The following CCDC57 variants were observed in gnomAD, a reference collection of about 807,000 sequenced individuals.
CCDC57 encodes coiled-coil domain containing 57, also known as coiled-coil domain-containing protein 57.
CCDC57 carries 118 observed loss-of-function variants against 118.9 expected under a neutral mutation model. That is an observed-to-expected ratio of 0.99 (90% confidence interval 0.86 to 1.16). The LOEUF is 1.16. CCDC57 is among the 50% of genes most tolerant of loss of function. CCDC57 has a pLI of 0.00. For missense variants in CCDC57, 1,300 were observed against 1,320.7 expected (o/e 0.98, Z 0.24); for synonymous variants, 527 against 532.9 (o/e 0.99, Z 0.15).
At chr17:82,120,296 T>C (rs1190875271) in intron 19 of CCDC57, among the ~76,000 whole-genome samples, 2 of 152,160 alleles carry the variant, frequency 1.3e-5, no homozygotes, top group East Asian at 1.9e-4. Flanking sequence ...GGCAACATTA[T>C]TACTTTAAAC....
chr17:82,148,125 AGATGGATGGATG>A (rs143199335), intron 16 of CCDC57, among the ~76,000 whole-genome samples: 35,908 of 75,490 alleles, frequency 0.48, 8,599 homozygotes, highest in East Asian at 0.87. Flanking sequence ...TTGGATGGTT[AGATGGATGGATG>A]GATGGATGGA....
intron 19 of CCDC57, among the ~76,000 whole-genome samples, chr17:82,120,390 C>T (rs557647356): frequency 5.9e-5 from 9 of 152,240 alleles, no homozygotes; most frequent in African/African-American, 1.4e-4. Flanking sequence ...ACTTCCTCTC[C>T]GTTTCTAGAA....
At chr17:82,193,862 A>C (rs746939303) in intron 6 of CCDC57, 32 bp from the exon 6 acceptor site, 1 of 1,572,460 alleles carries the variant, frequency 6.4e-7, no homozygotes, top group Non-Finnish European at 8.6e-7. Flanking sequence ...TGGAAGGAGC[A>C]AGTGAGATGA....
chr17:82,175,261 ATACCGAGTGCC>A (rs2045319690), intron 11 of CCDC57, among the ~76,000 whole-genome samples: 1 of 152,258 alleles, frequency 6.6e-6, no homozygotes, highest in African/African-American at 2.4e-5. Flanking sequence ...ACAGAGCGGG[ATACCGAGTGCC>A]CAGAGGCTTA....
intron 19 of CCDC57, among the ~76,000 whole-genome samples, chr17:82,117,729 C>A (rs2036103749): frequency 7.4e-6 from 1 of 134,758 alleles, no homozygotes; most frequent in South Asian, 2.3e-4. Flanking sequence ...TCAGTTTTGA[C>A]TTATCAGATT....
At chr17:82,148,376 GGTGGGTGAATGGATGA>G (rs1189524195) in intron 16 of CCDC57, among the ~76,000 whole-genome samples, 258 of 10,578 alleles carry the variant, frequency 0.024, 1 homozygote, top group Non-Finnish European at 0.027. Flanking sequence ...TGGATGGGTG[GGTGGGTGAATGGATGA>G]ATGGGTGGGT....
chr17:82,126,831 C>T, intron 19 of CCDC57: 1 of 985,378 alleles, frequency 1.0e-6, no homozygotes, highest in South Asian at 4.7e-5. Context: ...CTAAAATGCG[C>T]ATGAAGGAGA....
intron 19 of CCDC57, among the ~76,000 whole-genome samples, chr17:82,109,365 A>G (rs2035089711): frequency 6.6e-6 from 1 of 152,264 alleles, no homozygotes; most frequent in South Asian, 2.1e-4. Flanking sequence ...ATGTTACCAC[A>G]GGACAAAATT....
At chr17:82,143,754 A>C (rs117951025) in intron 16 of CCDC57, among the ~76,000 whole-genome samples, 3 of 152,092 alleles carry the variant, frequency 2.0e-5, no homozygotes, top group African/African-American at 7.2e-5. Flanking sequence ...ACACTTAGAC[A>C]CAACAATGGT....
intron 19 of CCDC57, chr17:82,105,055 C>T (rs575517575): frequency 6.6e-6 from 1 of 152,428 alleles, no homozygotes; most frequent in African/African-American, 2.4e-5. Context: ...GTGGCTCATT[C>T]TCCAGGCTGC....
intron 14 of CCDC57, among the ~76,000 whole-genome samples, chr17:82,161,205 T>C (rs1372262003): frequency 2.0e-5 from 3 of 152,124 alleles, no homozygotes; most frequent in Admixed American, 2.0e-4. Flanking sequence ...AGAAAACAGC[T>C]AGTGTTGGTG....
intron 16 of CCDC57, among the ~76,000 whole-genome samples, chr17:82,134,532 G>A (rs1489085528): frequency 3.3e-5 from 5 of 152,150 alleles, no homozygotes; most frequent in Non-Finnish European, 5.9e-5. Context: ...GGAGGCTCAC[G>A]TCTGTAATCC....
chr17:82,150,997 AGGCACACACCCAGAACCT>A (rs1373426297), intron 16 of CCDC57, among the ~76,000 whole-genome samples: 1 of 62,814 alleles, frequency 1.6e-5, no homozygotes. Context: ...ACCCAGAACC[AGGCACACACCCAGAACCT>A]GGCACACACC....
intron 9 of CCDC57, among the ~76,000 whole-genome samples, chr17:82,182,440 G>C (rs2046324991): frequency 6.6e-6 from 1 of 151,210 alleles, no homozygotes; most frequent in Admixed American, 6.6e-5. Flanking sequence ...TGCAGCCTCC[G>C]CCTCCTGGGT....
intron 8 of CCDC57, 78 bp from the exon 8 acceptor site, chr17:82,184,010 T>G: frequency 6.7e-6 from 5 of 745,998 alleles, no homozygotes; most frequent in Non-Finnish European, 9.3e-6. Flanking sequence ...CCCCAGCAAA[T>G]ACACATGCGC....
intron 17 of CCDC57, among the ~76,000 whole-genome samples, chr17:82,128,988 G>A (rs371921525): frequency 1.7e-3 from 260 of 151,796 alleles, no homozygotes; most frequent in African/African-American, 5.8e-3. Context: ...GCGTGATCTC[G>A]GCTCACTGCA....
At chr17:82,201,570 C>T in exon 3 of CCDC57, 1 of 1,611,510 alleles carries the variant, frequency 6.2e-7, no homozygotes, top group Non-Finnish European at 8.5e-7. Context: ...GGCGATGCTC[C>T]TGGAATGCCA....
intron 4 of CCDC57, among the ~76,000 whole-genome samples, chr17:82,196,182 A>G (rs892964122): frequency 6.6e-6 from 1 of 152,172 alleles, no homozygotes; most frequent in Non-Finnish European, 1.5e-5. Flanking sequence ...GGGCAGGACC[A>G]CCCACAGCTG....
chr17:82,141,927 TG>T (rs2145589151), intron 16 of CCDC57, among the ~76,000 whole-genome samples: 1 of 152,350 alleles, frequency 6.6e-6, no homozygotes, highest in African/African-American at 2.4e-5. Flanking sequence ...CGATTTGAGC[TG>T]CTTTGCGATT....
Sources: gnomAD v4.1 joint callset for allele counts (sites outside exome capture counted in the v4.1 genomes callset) on GRCh38, gnomAD v4.1.1 for gene constraint, MANE v1.5 for transcripts, NCBI Gene and HGNC (gene_info 2026-07-23, HGNC 2026-07-21) for gene names.